RAD54B: variants seen among roughly 807,000 people sequenced by gnomAD.
RAD54B encodes the protein RAD54 homolog B.
Under a neutral mutation model 95.8 loss-of-function variants are expected in RAD54B, and 78 were observed. That is an observed-to-expected ratio of 0.81 (90% CI 0.68 to 0.98). The LOEUF is 0.98. RAD54B is among the 50% of genes least tolerant of loss of function. The probability of loss-of-function intolerance (pLI) is 0.00; values close to 1 mark genes in which losing one functional copy is unlikely to be tolerated. For synonymous variants in RAD54B, 328 were observed against 354.9 expected, an observed-to-expected ratio of 0.92 and a Z score of 0.85; for missense variants, 957 against 1,056.6, an observed-to-expected ratio of 0.91 and a Z score of 1.31.
At chr8:94,429,472 T>C (rs1812030499) in intron 3 of RAD54B, 1 of 979,686 alleles carries the variant, frequency 1.0e-6, no homozygotes, top group Non-Finnish European at 1.2e-6. Context: ...AAAACTCTGA[T>C]TTGCTGTAAA....
chr8:94,459,127 C>T (rs940789952), intron 2 of RAD54B, among the ~76,000 whole-genome samples: 3 of 149,510 alleles, frequency 2.0e-5, no homozygotes, highest in African/African-American at 7.7e-5. Context: ...GGTAATCTCA[C>T]TATGTTGGGT....
At chr8:94,425,380 A>G (rs1233880830) in intron 3 of RAD54B, among the ~76,000 whole-genome samples, 1 of 152,018 alleles carries the variant, frequency 6.6e-6, no homozygotes, top group Admixed American at 6.6e-5. Context: ...TAACAATTCT[A>G]AATACACACA....
chr8:94,435,561 C>T (rs1812232340), intron 3 of RAD54B, among the ~76,000 whole-genome samples: 6 of 152,030 alleles, frequency 3.9e-5, no homozygotes, highest in South Asian at 4.1e-4. Context: ...TTAAATTACC[C>T]TAAATGGTTC....
intron 3 of RAD54B, 24 bp downstream of exon 3, chr8:94,458,244 C>A: frequency 6.4e-7 from 1 of 1,557,784 alleles, no homozygotes; most frequent in Non-Finnish European, 8.6e-7. Flanking sequence ...AAGCATAAAC[C>A]TTATCAATAA....
intron 3 of RAD54B, among the ~76,000 whole-genome samples, chr8:94,455,243 T>C (rs1812753631): frequency 6.6e-6 from 1 of 152,228 alleles, no homozygotes; most frequent in Admixed American, 6.5e-5. Flanking sequence ...CAAACTATAA[T>C]GTTCCAATAG....
At chr8:94,428,232 G>A in intron 3 of RAD54B, 1 of 892,868 alleles carries the variant, frequency 1.1e-6, no homozygotes, top group South Asian at 5.2e-5. Flanking sequence ...ACAGAATCAA[G>A]TCTACATTTA....
intron 1 of RAD54B, among the ~76,000 whole-genome samples, chr8:94,468,580 C>A (rs1428475499): frequency 2.0e-5 from 3 of 151,790 alleles, no homozygotes; most frequent in Non-Finnish European, 4.4e-5. Context: ...AATCCCAGCA[C>A]TTCAGGAGGC....
chr8:94,430,694 G>A, intron 3 of RAD54B: 2 of 878,110 alleles, frequency 2.3e-6, no homozygotes. Context: ...CTCACATGTT[G>A]TCTGTATAAT....
At chr8:94,426,656 T>A (rs1203018553) in intron 3 of RAD54B, among the ~76,000 whole-genome samples, 1 of 152,192 alleles carries the variant, frequency 6.6e-6, no homozygotes, top group African/African-American at 2.4e-5. Flanking sequence ...GCAAAACTTA[T>A]CTATAATTTT....
chr8:94,461,009 C>G (rs1586039831), intron 2 of RAD54B, among the ~76,000 whole-genome samples: 1 of 151,734 alleles, frequency 6.6e-6, no homozygotes, highest in Admixed American at 6.6e-5. Flanking sequence ...GTCTCTTTTG[C>G]CATGTAAAGT....
In RAD54B at chr8:94,397,768, T is replaced by C. The variant is rs75683454; in HGVS notation, c.1378+1646A>G. ...TTCTTCTCCCTTCTAGTGCTAAACA[T>C]TTTTACTTTATATCTGCAACTATTC... On this transcript the variant is annotated intron_variant, in intron 8 of 14. Coordinates refer to ENST00000336148, the MANE Select transcript of RAD54B (RefSeq NM_012415.3). Among the ~76,000 whole-genome samples, 1,127 of 152,232 alleles carry C rather than the reference T, an allele frequency of 7.4e-3. 13 individuals are homozygous for C. Among genetic ancestry groups the C allele is most frequent in the African/African-American group, 0.025 (1,054 of 41,558 alleles).
chr8:94,387,729 T>C (rs1160650446), intron 10 of RAD54B, among the ~76,000 whole-genome samples: 1 of 152,226 alleles, frequency 6.6e-6, no homozygotes, highest in Non-Finnish European at 1.5e-5. Context: ...ATACTTTTTA[T>C]TTCACCAATA....
In RAD54B at chr8:94,429,917, G is replaced by T. The variant is rs148703234; in HGVS notation, c.305-18602C>A. The T allele has an allele frequency of 1.4e-3, 1,382 of 985,248 alleles. 20 individuals are homozygous for T. In the African/African-American group the frequency reaches 0.022, roughly 16 times the overall value. 61.0% of individuals were successfully genotyped at this position (985,248 alleles called of 1,614,324 possible). A position where few individuals can be genotyped will look rare whatever the true frequency, so the allele number is the denominator to read the frequency against. On this transcript the variant is annotated intron_variant, in intron 3 of 14. Transcript: ENST00000336148. ...TTTAAGTTCTTCCAATACAATGCCT[G>T]TCCCTAAATGCCACTCCTCCTAAAT...
intron 11 of RAD54B, among the ~76,000 whole-genome samples, chr8:94,384,268 T>C (rs953771362): frequency 1.3e-5 from 2 of 152,200 alleles, no homozygotes; most frequent in Non-Finnish European, 2.9e-5. Context: ...AATAGATGAA[T>C]GGATAAACAA....
intron 10 of RAD54B, 124 bp from the exon 11 acceptor site, chr8:94,387,283 G>T: frequency 3.9e-6 from 3 of 768,484 alleles, no homozygotes; most frequent in South Asian, 2.1e-5. Context: ...CCAAGAAACT[G>T]TTAGGTAAAT....
chr8:94,411,101 A>G lies in RAD54B; in HGVS notation c.499+20T>C. 1 of 1,563,440 alleles carries G rather than the reference A, an allele frequency of 6.4e-7. No individual in the cohort carries two copies. The highest frequency in any genetic ancestry group is 8.7e-7 in the Non-Finnish European group (1 of 1,149,594). On this transcript the variant is annotated intron_variant, in intron 4 of 14. Transcript: ENST00000336148. ...ACTAATTTCAGGCCAAACTGTAAACATTAGGTAGTATCATAATACCTCTTC... is the reference window on the plus strand; with the variant it reads ...ACTAATTTCAGGCCAAACTGTAAACGTTAGGTAGTATCATAATACCTCTTC...
chr8:94,413,082 G>A (rs1316687865), intron 3 of RAD54B, among the ~76,000 whole-genome samples: 2 of 151,912 alleles, frequency 1.3e-5, no homozygotes, highest in African/African-American at 2.4e-5. Context: ...TTATAAATAA[G>A]CACAGCTCCT....
At chr8:94,455,191 A>G (rs1210038817) in intron 3 of RAD54B, among the ~76,000 whole-genome samples, 1 of 152,192 alleles carries the variant, frequency 6.6e-6, no homozygotes, top group Non-Finnish European at 1.5e-5. Flanking sequence ...TTTTGTTCCA[A>G]AACACTTGTG....
Position 94,430,929 on chromosome 8 carries a change from G to A in RAD54B, c.305-19614C>T, listed in dbSNP as rs542569823. 2.4e-5 allele frequency: 24 copies of A among 985,286 alleles called. No homozygotes were observed. The South Asian group carries it at 8.5e-4, about 35-fold the overall frequency. The allele number at this position is 985,286 out of a possible 1,614,324, so 61.0% of individuals were successfully genotyped here. A position where few individuals can be genotyped will look rare whatever the true frequency, so the allele number is the denominator to read the frequency against. On this transcript the variant is annotated intron_variant, in intron 3 of 14. Transcript: ENST00000336148. ...ATCAATGGCTTAGCACTGCATTTGTGCTTATATACTCAATCCACTTTTTCC... is the reference window on the plus strand; with the variant it reads ...ATCAATGGCTTAGCACTGCATTTGTACTTATATACTCAATCCACTTTTTCC...
Sources: allele counts gnomAD v4.1 joint callset (sites outside exome capture counted in the v4.1 genomes callset), GRCh38; gene constraint gnomAD v4.1.1; transcripts MANE v1.5; gene names NCBI Gene and HGNC (gene_info 2026-07-23, HGNC 2026-07-21).